The following CHRNA7 variants were observed in gnomAD, a reference collection of about 807,000 sequenced individuals.
CHRNA7 encodes the protein neuronal acetylcholine receptor subunit alpha-7.
CHRNA7 carries 17 observed loss-of-function variants against 48.0 expected under a neutral mutation model. The ratio of observed to expected loss-of-function variants is 0.35; its 90% CI spans 0.24 to 0.53. CHRNA7 has a LOEUF of 0.53. Among genes scored for constraint, CHRNA7 ranks in the 20% least tolerant of loss-of-function variants. CHRNA7 has a pLI of 0.92. For missense variants in CHRNA7, 155 were observed against 577.7 expected (o/e 0.27, Z 7.50); for synonymous variants, 75 against 242.3 (o/e 0.31, Z 6.41).
chr15:32,035,531 C>T (rs1053683615), intron 2 of CHRNA7, among the ~76,000 whole-genome samples: 6 of 152,192 alleles, frequency 3.9e-5, no homozygotes, highest in Non-Finnish European at 7.3e-5. Flanking sequence ...CATGCACTTA[C>T]GTTTTGGCAC....
intron 2 of CHRNA7, among the ~76,000 whole-genome samples, chr15:32,080,213 G>A (rs1371562847): frequency 1.3e-5 from 2 of 152,208 alleles, no homozygotes; most frequent in East Asian, 3.9e-4. Flanking sequence ...GAAAATGTAG[G>A]CACTATCATT....
chr15:32,128,158 C>G (rs138026845), intron 4 of CHRNA7, among the ~76,000 whole-genome samples: 1 of 151,978 alleles, frequency 6.6e-6, no homozygotes, highest in Non-Finnish European at 1.5e-5. Context: ...TTTTATTAAT[C>G]TAGATATCTC....
intron 3 of CHRNA7, among the ~76,000 whole-genome samples, chr15:32,104,549 AT>A (rs2050629552): frequency 6.6e-6 from 1 of 152,152 alleles, no homozygotes; most frequent in African/African-American, 2.4e-5. Flanking sequence ...CTGAGTCTTC[AT>A]CACCCTTAGA....
rs576146268 is a variant in CHRNA7, at chr15:32,090,047, A to G, written c.196-11256A>G. ...TGGGGTGGTAGGTGGGGATGAGGGG[A>G]AGAAGTGTTCTGTAATCCTATGTTA... On this transcript the variant is annotated intron_variant, in intron 2 of 9. Coordinates refer to ENST00000306901, the MANE Select transcript of CHRNA7 (RefSeq NM_000746.6). Among the ~76,000 whole-genome samples, 222 of 152,262 alleles carry G rather than the reference A, an allele frequency of 1.5e-3. 2 individuals carry two copies. The highest frequency in any genetic ancestry group is 5.0e-3 in the African/African-American group (207 of 41,544).
chr15:32,061,497 C>A (rs1455856952), intron 2 of CHRNA7, among the ~76,000 whole-genome samples: 1 of 152,076 alleles, frequency 6.6e-6, no homozygotes, highest in East Asian at 1.9e-4. Context: ...TGTTTGAATT[C>A]ACAAGAACAA....
rs372054567 is a variant in CHRNA7 at position 32,031,003 on chromosome 15, A to T, written c.161A>T (p.Tyr54Phe). The change falls in exon 2 of 10, where the codon TAC becomes TTC. Residue 54 changes from tyrosine (Y) to phenylalanine (F), a missense_variant. Tyr to Phe is a conservative substitution (Grantham distance 22). Coordinates refer to ENST00000306901, the MANE Select transcript of CHRNA7 (RefSeq NM_000746.6). ...AATGACTCGCAACCACTCACCGTCTACTTCTCCCTGAGCCTCCTGCAGATC... is the reference window on the plus strand; with the variant it reads ...AATGACTCGCAACCACTCACCGTCTTCTTCTCCCTGAGCCTCCTGCAGATC... ...VANDSQPLTV[Y>F]FSLSLLQIMD... 6.2e-7 allele frequency: 1 copy of T among 1,614,130 alleles called. No homozygotes were observed. The highest frequency in any genetic ancestry group is 8.5e-7 in the Non-Finnish European group (1 of 1,179,996).
chr15:32,121,714 T>A lies in CHRNA7; in HGVS notation c.350+9815T>A, dbSNP rs994492665. On this transcript the variant is annotated intron_variant, in intron 4 of 9. Coordinates refer to ENST00000306901, the MANE Select transcript of CHRNA7 (RefSeq NM_000746.6). Reference sequence around the variant, plus strand: ...TTTGTGCCTGAGGTCCTGGCACTGCTGTTAATGGTGCCTTTTTTCACTTTT... The same window carrying A: ...TTTGTGCCTGAGGTCCTGGCACTGCAGTTAATGGTGCCTTTTTTCACTTTT... Among the ~76,000 whole-genome samples, 7 of 152,246 alleles carry A rather than the reference T, an allele frequency of 4.6e-5. 1 individual carries two copies. Among genetic ancestry groups the A allele is most frequent in the Admixed American group, 4.6e-4 (7 of 15,294 alleles).
chr15:32,163,789 C>T (rs2051976276), intron 9 of CHRNA7: 1 of 39,716 alleles, frequency 2.5e-5, no homozygotes, highest in Non-Finnish European at 6.0e-5. Context: ...CACCTATTGA[C>T]GTGTCTTTGT....
At chr15:32,112,486 A>G (rs939752762) in intron 4 of CHRNA7, 6 of 377,270 alleles carry the variant, frequency 1.6e-5, no homozygotes, top group Non-Finnish European at 3.2e-5. Flanking sequence ...AAACCAAGAC[A>G]GTCTGACTTG....
At chr15:32,158,289 C>CTTTTT in intron 6 of CHRNA7, 123 bp from the exon 7 acceptor site, 3 of 522,138 alleles carry the variant, frequency 5.7e-6, no homozygotes, top group Non-Finnish European at 2.7e-6. Flanking sequence ...CAACCCCCCC[C>CTTTTT]TTTTTTTTTT....
Position 32,169,028 on chromosome 15 carries a change from A to G in CHRNA7, c.*570A>G, listed in dbSNP as rs2052331937. On this transcript the variant is annotated 3_prime_UTR_variant, in exon 10 of 10. Transcript: ENST00000306901. The stretch of plus-strand genomic sequence containing the variant: ...AGAGAAACAGCTTGATGCTGTTTCT[A>G]CATTAAAAAAAAAAAAAAAAGACAG... 2 of 84,360 alleles carry G rather than the reference A, an allele frequency of 2.4e-5. No individual in the cohort carries two copies. Among genetic ancestry groups the G allele is most frequent in the African/African-American group, 6.8e-5 (2 of 29,448 alleles). 5.2% of individuals were successfully genotyped at this position (84,360 alleles called of 1,614,324 possible).
chr15:32,049,077 A>G (rs1215455550), intron 2 of CHRNA7, among the ~76,000 whole-genome samples: 1 of 148,760 alleles, frequency 6.7e-6, no homozygotes, highest in South Asian at 2.1e-4. Context: ...TATGTGGTCA[A>G]TTTTGGGATA....
chr15:32,122,122 G>T (rs189668730), intron 4 of CHRNA7, among the ~76,000 whole-genome samples: 348 of 152,248 alleles, frequency 2.3e-3, no homozygotes, highest in Non-Finnish European at 3.5e-3. Flanking sequence ...TTCACATTTT[G>T]TAATCCCCCC....
chr15:32,143,961 A>G (rs923941789), intron 4 of CHRNA7, among the ~76,000 whole-genome samples: 18 of 152,190 alleles, frequency 1.2e-4, no homozygotes. Flanking sequence ...TCCTGTCATT[A>G]TGATGCTAGC....
intron 4 of CHRNA7, among the ~76,000 whole-genome samples, chr15:32,146,857 A>G (rs1341325641): frequency 6.6e-6 from 1 of 152,228 alleles, no homozygotes; most frequent in Admixed American, 6.5e-5. Flanking sequence ...ATTTACAATG[A>G]TGAGCAAAGG....
chr15:32,059,934 A>T (rs2049850067), intron 2 of CHRNA7, among the ~76,000 whole-genome samples: 1 of 140,192 alleles, frequency 7.1e-6, no homozygotes, highest in Non-Finnish European at 1.5e-5. Context: ...TGAAACGCCA[A>T]GTAGAAAAGC....
chr15:32,088,342 T>G (rs750867516), intron 2 of CHRNA7, among the ~76,000 whole-genome samples: 1 of 152,224 alleles, frequency 6.6e-6, no homozygotes, highest in Admixed American at 6.5e-5. Context: ...TCACCTGTTA[T>G]AAGACATCCT....
intron 3 of CHRNA7, among the ~76,000 whole-genome samples, chr15:32,107,691 C>T (rs537027953): frequency 2.0e-5 from 3 of 152,164 alleles, no homozygotes; most frequent in Non-Finnish European, 4.4e-5. Flanking sequence ...GAGCTGTTGT[C>T]GTAACTTCTC....
At chr15:32,034,769 A>C (rs576730688) in intron 2 of CHRNA7, among the ~76,000 whole-genome samples, 1 of 152,360 alleles carries the variant, frequency 6.6e-6, no homozygotes, top group South Asian at 2.1e-4. Context: ...TTAGAGGTAC[A>C]ACATGAGTCC....
Sources: gnomAD v4.1 joint callset for allele counts (sites outside exome capture counted in the v4.1 genomes callset) on GRCh38, gnomAD v4.1.1 for gene constraint, MANE v1.5 for transcripts, NCBI Gene and HGNC (gene_info 2026-07-23, HGNC 2026-07-21) for gene names.